Variants in AFAP1L2 observed in about 807,000 individuals in gnomAD.
AFAP1L2 encodes the protein actin filament-associated protein 1-like 2.
A neutral mutation model predicts 99.3 loss-of-function variants in AFAP1L2; 46 were observed. The observed-to-expected ratio is 0.46, with a 90% CI of 0.37 to 0.59. The LOEUF (loss-of-function observed/expected upper bound fraction) is 0.59. Ranked by LOEUF, AFAP1L2 falls within the 20% of genes least tolerant of loss-of-function variation. The pLI, the probability that AFAP1L2 is intolerant of heterozygous loss-of-function variation, is 0.00. For synonymous variants in AFAP1L2, 397 were observed against 419.1 expected (o/e 0.95, Z 0.64); for missense variants, 959 against 1,034.9 (o/e 0.93, Z 1.01).
intron 1 of AFAP1L2, among the ~76,000 whole-genome samples, chr10:114,385,120 G>A (rs1020823705): frequency 1.3e-5 from 2 of 152,144 alleles, no homozygotes; most frequent in African/African-American, 2.4e-5. Flanking sequence ...GGGTGTGATC[G>A]GGAAGGTGAA....
In AFAP1L2 at chr10:114,304,701, C is replaced by G. The variant is rs752627051; in HGVS notation, c.1284+18G>C. On this transcript the variant is annotated intron_variant, in intron 11 of 18. Coordinates refer to ENST00000304129, the MANE Select transcript of AFAP1L2 (RefSeq NM_001001936.3). Reference sequence around the variant, plus strand: ...CCACACCCTGGCTGGCCCTGCTCCCCCTGCAGGCCGGCGGTACCTCAAGCT... The same window carrying G: ...CCACACCCTGGCTGGCCCTGCTCCCGCTGCAGGCCGGCGGTACCTCAAGCT... 2 of 1,587,672 alleles carry G rather than the reference C, an allele frequency of 1.3e-6. No individual in the cohort carries two copies. The highest frequency in any genetic ancestry group is 1.1e-5 in the South Asian group (1 of 89,778).
At chr10:114,394,500 A>T in intron 1 of AFAP1L2, among the ~76,000 whole-genome samples, 1 of 152,176 alleles carries the variant, frequency 6.6e-6, no homozygotes, top group South Asian at 2.1e-4. Flanking sequence ...TCAGGTTCTC[A>T]GTGGGAATCC....
the AFAP1L2 span, chr10:114,285,902 C>A: frequency 1.3e-6 from 2 of 1,544,970 alleles, no homozygotes; most frequent in South Asian, 1.2e-5. Context: ...GCCGCATGAC[C>A]ATGGCTTGAC....
downstream of AFAP1L2, among the ~76,000 whole-genome samples, chr10:114,292,470 G>C (rs990617160): frequency 2.6e-5 from 4 of 151,396 alleles, no homozygotes; most frequent in Non-Finnish European, 5.9e-5. Context: ...GTTTTGCTTT[G>C]CTTTTCTACA....
chr10:114,315,514 C>CCT (rs2043979911), intron 6 of AFAP1L2, 46 bp downstream of exon 6: 9 of 1,604,410 alleles, frequency 5.6e-6, no homozygotes, highest in Non-Finnish European at 7.7e-6. Flanking sequence ...CTGCCCCTTC[C>CCT]CCAAGGAGAG....
chr10:114,361,913 T>C (rs2052484580), intron 1 of AFAP1L2, among the ~76,000 whole-genome samples: 1 of 152,152 alleles, frequency 6.6e-6, no homozygotes, highest in Non-Finnish European at 1.5e-5. Flanking sequence ...GCAAAATTTC[T>C]GGTATTCTTC....
In AFAP1L2 at chr10:114,307,659, G is replaced by A. The variant is rs569822118; in HGVS notation, c.1072+146C>T. Reference sequence around the variant, plus strand: ...AGAACTGCCTGCAGTAACAACAGACGGGAACCTGAGGGCTGCAGGCTCTCC... The same window carrying A: ...AGAACTGCCTGCAGTAACAACAGACAGGAACCTGAGGGCTGCAGGCTCTCC... On this transcript the variant is annotated intron_variant, in intron 10 of 18. Transcript: ENST00000304129. 85 of 656,686 alleles carry A rather than the reference G, an allele frequency of 1.3e-4. No homozygotes were observed. The Middle Eastern group carries it at 1.7e-3, about 13-fold the overall frequency. The allele number at this position is 656,686 out of a possible 1,614,324, so 40.7% of individuals were successfully genotyped here. A position where few individuals can be genotyped will look rare whatever the true frequency, so the allele number is the denominator to read the frequency against.
chr10:114,384,329 C>A (rs74157596), intron 1 of AFAP1L2, among the ~76,000 whole-genome samples: 9 of 151,610 alleles, frequency 5.9e-5, no homozygotes, highest in East Asian at 2.0e-4. Flanking sequence ...TGTCGTCCCC[C>A]CCCCGCTGCA....
At chr10:114,374,012 C>A (rs2054479937) in intron 1 of AFAP1L2, among the ~76,000 whole-genome samples, 1 of 152,088 alleles carries the variant, frequency 6.6e-6, no homozygotes, top group Non-Finnish European at 1.5e-5. Flanking sequence ...AAATAGAGCC[C>A]CTGCCTTCAC....
At chr10:114,369,829 C>T (rs937206236) in intron 1 of AFAP1L2, among the ~76,000 whole-genome samples, 6 of 152,094 alleles carry the variant, frequency 3.9e-5, no homozygotes, top group African/African-American at 1.4e-4. Flanking sequence ...TGTGCCTCTA[C>T]CAGATAAAAC....
intron 4 of AFAP1L2, among the ~76,000 whole-genome samples, chr10:114,328,599 G>A (rs2046774660): frequency 6.6e-6 from 1 of 152,222 alleles, no homozygotes; most frequent in South Asian, 2.1e-4. Context: ...GTCCTTGCGA[G>A]AGAAACAGAT....
intron 15 of AFAP1L2, 150 bp downstream of exon 15, chr10:114,300,044 C>T: frequency 2.7e-6 from 3 of 1,116,182 alleles, no homozygotes; most frequent in East Asian, 2.6e-5. Context: ...TTGCAGAAGG[C>T]CTATCGTGGG....
At chr10:114,368,039 T>C (rs1420722506) in intron 1 of AFAP1L2, among the ~76,000 whole-genome samples, 1 of 152,198 alleles carries the variant, frequency 6.6e-6, no homozygotes, top group East Asian at 1.9e-4. Context: ...AGCACTGTCC[T>C]ACTTGATACA....
intron 1 of AFAP1L2, among the ~76,000 whole-genome samples, chr10:114,396,571 A>T (rs2057738900): frequency 1.3e-5 from 2 of 152,260 alleles, no homozygotes; most frequent in Admixed American, 1.3e-4. Flanking sequence ...TAGCATAGAC[A>T]AGCAGGACTG....
At chr10:114,320,102 T>A (rs11196694) in intron 5 of AFAP1L2, among the ~76,000 whole-genome samples, 5,247 of 152,250 alleles carry the variant, frequency 0.034, 276 homozygotes, top group African/African-American at 0.12. Context: ...GTTTGCATTG[T>A]GTTACTATAA....
chr10:114,357,708 GA>G (rs1199013567), intron 1 of AFAP1L2, among the ~76,000 whole-genome samples: 4 of 152,132 alleles, frequency 2.6e-5, no homozygotes, highest in Non-Finnish European at 5.9e-5. Flanking sequence ...AATAAAAGAA[GA>G]ATGCATGTTG....
At chr10:114,298,048 G>A (rs538214119) in intron 16 of AFAP1L2, among the ~76,000 whole-genome samples, 49 of 152,288 alleles carry the variant, frequency 3.2e-4, no homozygotes, top group African/African-American at 1.1e-3. Context: ...AAAAGAAAAC[G>A]TATACTAATA....
chr10:114,378,925 C>T (rs2055183127), intron 1 of AFAP1L2, among the ~76,000 whole-genome samples: 1 of 151,968 alleles, frequency 6.6e-6, no homozygotes, highest in African/African-American at 2.4e-5. Context: ...ACTATTTTCC[C>T]ATGATAACAG....
intron 5 of AFAP1L2, among the ~76,000 whole-genome samples, chr10:114,317,789 G>A (rs1590098999): frequency 6.6e-6 from 1 of 152,222 alleles, no homozygotes; most frequent in African/African-American, 2.4e-5. Context: ...AGCCCAGGAG[G>A]CGAAGGTTAC....
Sources: allele counts gnomAD v4.1 joint callset (sites outside exome capture counted in the v4.1 genomes callset), GRCh38; gene constraint gnomAD v4.1.1; transcripts MANE v1.5; gene names NCBI Gene and HGNC (gene_info 2026-07-23, HGNC 2026-07-21).